Variants in HHIPL1 observed in about 807,000 individuals in gnomAD.
The protein encoded by HHIPL1 is HHIP-like protein 1.
Under a neutral mutation model 61.8 loss-of-function variants are expected in HHIPL1, and 43 were observed. That is an observed-to-expected ratio of 0.70 (90% CI 0.55 to 0.90). HHIPL1 has a LOEUF of 0.90. Ranked by LOEUF, HHIPL1 falls within the 40% of genes least tolerant of loss-of-function variation. The pLI, the probability that HHIPL1 is intolerant of heterozygous loss-of-function variation, is 0.00. For synonymous variants in HHIPL1, 482 were observed against 515.8 expected, an observed-to-expected ratio of 0.93 and a Z score of 0.89; for missense variants, 1,056 against 1,157.7, an observed-to-expected ratio of 0.91 and a Z score of 1.28.
At chr14:99,626,267 G>GTGTGTGTGT in the HHIPL1 span, among the ~76,000 whole-genome samples, 8 of 147,576 alleles carry the variant, frequency 5.4e-5, no homozygotes, top group African/African-American at 1.5e-4. Context: ...GGTGTAGCGG[G>GTGTGTGTGT]GTGTGTGTGT....
chr14:99,622,422 C>T, the HHIPL1 span, among the ~76,000 whole-genome samples: 5 of 152,218 alleles, frequency 3.3e-5, no homozygotes, highest in Admixed American at 1.3e-4. Context: ...CCATCCTGCC[C>T]AAATGACAGC....
At chr14:99,626,486 T>C in the HHIPL1 span, among the ~76,000 whole-genome samples, 2 of 152,088 alleles carry the variant, frequency 1.3e-5, no homozygotes, top group Non-Finnish European at 2.9e-5. Context: ...CTACCTCCAC[T>C]CTGGGCTTGG....
the HHIPL1 span, among the ~76,000 whole-genome samples, chr14:99,606,906 G>T: frequency 2.0e-5 from 3 of 152,090 alleles, no homozygotes; most frequent in African/African-American, 7.2e-5. Context: ...GACTCCCCAG[G>T]CCAGAGCCCC....
the HHIPL1 span, among the ~76,000 whole-genome samples, chr14:99,612,109 A>C: frequency 4.6e-5 from 7 of 152,218 alleles, no homozygotes; most frequent in African/African-American, 1.7e-4. Flanking sequence ...AAGAGGCTTG[A>C]TTGACTCACA....
chr14:99,662,904 G>A lies in HHIPL1; in HGVS notation c.1531G>A (p.Gly511Arg), dbSNP rs755990704. 1 of 1,611,442 alleles carries A rather than the reference G, an allele frequency of 6.2e-7. No individual in the cohort carries two copies. Reference sequence around the variant, plus strand: ...TCTGATGTCCCTCCAAGAGAACCCAGGGACAGGCCAGTGGCAGTACAGTGA... The same window carrying A: ...TCTGATGTCCCTCCAAGAGAACCCAAGGACAGGCCAGTGGCAGTACAGTGA... ...GRLMSLQENP[G>R]TGQWQYSEIC... Residue 511 changes from glycine (G) to arginine (R), a missense_variant, in exon 6 of 9, where the codon GGG (glycine) becomes AGG (arginine). By Grantham distance (125) the Gly-to-Arg change is moderately radical. Transcript: ENST00000330710.
chr14:99,669,376 C>G (rs772414990), intron 7 of HHIPL1: 2 of 984,758 alleles, frequency 2.0e-6, no homozygotes, highest in Non-Finnish European at 2.4e-6. Flanking sequence ...GTACTTGTCT[C>G]TAACGCAAGG....
rs766908100 is a variant in HHIPL1 at position 99,662,937 on chromosome 14, A to G, written c.1564A>G (p.Met522Val). 1.2e-5 allele frequency: 20 copies of G among 1,613,790 alleles called. No individual in the cohort carries two copies. The East Asian group carries it at 4.2e-4, about 34-fold the overall frequency. Residue 522 changes from methionine (M) to valine (V), a missense_variant, in exon 6 of 9, where the codon ATG becomes GTG. Met to Val is a conservative substitution (Grantham distance 21). Coordinates refer to ENST00000330710, the MANE Select transcript of HHIPL1 (RefSeq NM_001127258.3). The stretch of plus-strand genomic sequence containing the variant: ...CCAGTGGCAGTACAGTGAGATCTGC[A>G]TGGGCCACGGCCAGACCTGTGAGTT... ...TGQWQYSEICMGHGQTCEFPG... is the reference protein window; with the variant it reads ...TGQWQYSEICVGHGQTCEFPG...
At position 99,652,544 on chromosome 14, in the gene HHIPL1, G is replaced by A. The variant is rs138093508; in HGVS notation, c.576G>A (p.Gly192=). 1.6e-4 allele frequency: 259 copies of A among 1,613,088 alleles called. 1 individual carries two copies. In the African/African-American group the frequency reaches 2.9e-3, roughly 18 times the overall value. ...LQLCLEEVAN[G]LRNPVAMVHA... is the part of the protein sequence containing the mutation. ...TGTGCCTGGAGGAGGTGGCCAACGG[G>A]CTGCGCAACCCCGTGGCCATGGTCC... Residue 192 remains glycine, a synonymous_variant, in exon 2 of 9, where the codon GGG becomes GGA. Coordinates refer to ENST00000330710, the MANE Select transcript of HHIPL1 (RefSeq NM_001127258.3).
chr14:99,621,492 T>A, the HHIPL1 span, among the ~76,000 whole-genome samples: 4 of 152,130 alleles, frequency 2.6e-5, no homozygotes, highest in African/African-American at 9.7e-5. Flanking sequence ...CAACCCCAGC[T>A]ATTGTGAGTG....
chr14:99,665,797 T>C (rs1248829999), intron 6 of HHIPL1, among the ~76,000 whole-genome samples: 2 of 152,300 alleles, frequency 1.3e-5, no homozygotes, highest in Non-Finnish European at 2.9e-5. Flanking sequence ...GTTTGTTTGT[T>C]TTGAGACAGG....
At chr14:99,624,247 G>A in the HHIPL1 span, among the ~76,000 whole-genome samples, 1 of 152,190 alleles carries the variant, frequency 6.6e-6, no homozygotes, top group African/African-American at 2.4e-5. Flanking sequence ...CATGGGATGA[G>A]ATAAAGCAGA....
In HHIPL1 at chr14:99,645,242, T is replaced by G; in HGVS notation, c.35T>G (p.Leu12Arg). 1 of 1,360,768 alleles carries G rather than the reference T, an allele frequency of 7.3e-7. No homozygotes were observed. The highest frequency in any genetic ancestry group is 9.4e-7 in the Non-Finnish European group (1 of 1,060,674). 84.3% of individuals were successfully genotyped at this position (1,360,768 alleles called of 1,614,324 possible). A position where few individuals can be genotyped will look rare whatever the true frequency, so the allele number is the denominator to read the frequency against. Residue 12 changes from leucine (L) to arginine (R), a missense_variant, in exon 1 of 9, where the codon CTT becomes CGT. Coordinates refer to ENST00000330710, the MANE Select transcript of HHIPL1 (RefSeq NM_001127258.3). ...ARARAGALLA[L>R]WVLGAAAHPQ... ...GCCAGGGCCGGGGCGCTGCTGGCGC[T>G]TTGGGTGCTCGGGGCCGCCGCGCAT...
At chr14:99,663,519 G>T (rs112140507) in intron 6 of HHIPL1, among the ~76,000 whole-genome samples, 4 of 152,090 alleles carry the variant, frequency 2.6e-5, no homozygotes, top group African/African-American at 9.7e-5. Flanking sequence ...GGTTTTAGCC[G>T]GCTTCTTTAC....
At chr14:99,604,563 G>C in the HHIPL1 span, 1 of 152,120 alleles carries the variant, frequency 6.6e-6, no homozygotes. Flanking sequence ...TTCTGCGCCC[G>C]GAGGACGCGG....
At chr14:99,606,754 G>A in the HHIPL1 span, among the ~76,000 whole-genome samples, 124,053 of 152,106 alleles carry the variant, frequency 0.82, 52,197 homozygotes, top group South Asian at 0.94. Flanking sequence ...CAAAGACAAG[G>A]TGCTAGTGGT....
the HHIPL1 span, among the ~76,000 whole-genome samples, chr14:99,619,879 G>A: frequency 2.0e-5 from 3 of 152,154 alleles, no homozygotes; most frequent in Admixed American, 1.3e-4. Flanking sequence ...TTTCCTTGGG[G>A]TAAGTTCCCA....
Position 99,668,091 on chromosome 14 carries a change from G to T in HHIPL1, c.1649-131G>T. The stretch of plus-strand genomic sequence containing the variant: ...GGACTGGACAGCTAGACTGAGCTGG[G>T]ATGCCTCACGTGATGGCTAGCTGGG... On this transcript the variant is annotated intron_variant, in intron 6 of 8. Transcript: ENST00000330710. The surrounding 1 kb of genome is among the most constrained non-coding windows in gnomAD (Gnocchi z 4.7). 1 of 712,540 alleles carries T rather than the reference G, an allele frequency of 1.4e-6. No homozygotes were observed. 44.1% of individuals were successfully genotyped at this position (712,540 alleles called of 1,614,324 possible). A position where few individuals can be genotyped will look rare whatever the true frequency, so the allele number is the denominator to read the frequency against.
At chr14:99,623,256 A>G in the HHIPL1 span, among the ~76,000 whole-genome samples, 3 of 152,288 alleles carry the variant, frequency 2.0e-5, no homozygotes, top group South Asian at 6.2e-4. Flanking sequence ...GCAGTTTTGA[A>G]TGCCTATTAC....
At chr14:99,630,340 G>A in the HHIPL1 span, among the ~76,000 whole-genome samples, 4 of 152,136 alleles carry the variant, frequency 2.6e-5, no homozygotes, top group Non-Finnish European at 2.9e-5. Context: ...ATTCCATCGC[G>A]TTTCATCATC....
Sources: gnomAD v4.1 joint callset for allele counts (sites outside exome capture counted in the v4.1 genomes callset) on GRCh38, gnomAD v4.1.1 for gene constraint, Gnocchi (gnomAD v3.1) non-coding constraint, MANE v1.5 for transcripts, NCBI Gene and HGNC (gene_info 2026-07-23, HGNC 2026-07-21) for gene names.